The following ADAMTS2 variants were observed in gnomAD, a reference collection of about 807,000 sequenced individuals.
The protein encoded by ADAMTS2 is ADAM metallopeptidase with thrombospondin type 1 motif 2.
ADAMTS2 carries 50 observed loss-of-function variants against 123.0 expected under a neutral mutation model. The ratio of observed to expected loss-of-function variants is 0.41; its 90% CI spans 0.32 to 0.51. The LOEUF is 0.51. ADAMTS2 is among the 20% of genes least tolerant of loss of function. The pLI, the probability that ADAMTS2 is intolerant of heterozygous loss-of-function variation, is 0.35. For missense variants in ADAMTS2, 1,494 were observed against 1,705.2 expected (o/e 0.88, Z 2.18); for synonymous variants, 678 against 695.4 (o/e 0.98, Z 0.39).
chr5:179,168,720 T>A (rs571419201), intron 5 of ADAMTS2, among the ~76,000 whole-genome samples: 1 of 152,182 alleles, frequency 6.6e-6, no homozygotes, highest in African/African-American at 2.4e-5. Flanking sequence ...CCAGAATGAA[T>A]GGCAGGGACA....
At chr5:179,230,121 A>G (rs1765374158) in intron 3 of ADAMTS2, among the ~76,000 whole-genome samples, 1 of 152,238 alleles carries the variant, frequency 6.6e-6, no homozygotes, top group Admixed American at 6.5e-5. Context: ...GGCCTGCCAG[A>G]GGAAACATAT....
At chr5:179,241,674 G>A (rs1277242123) in intron 3 of ADAMTS2, among the ~76,000 whole-genome samples, 1 of 152,202 alleles carries the variant, frequency 6.6e-6, no homozygotes, top group Non-Finnish European at 1.5e-5. Context: ...TGTGCAATTT[G>A]AATTTATTTC....
At chr5:179,205,764 T>TTATTATTA (rs1764670440) in intron 4 of ADAMTS2, among the ~76,000 whole-genome samples, 1 of 149,322 alleles carries the variant, frequency 6.7e-6, no homozygotes, top group Non-Finnish European at 1.5e-5. Flanking sequence ...ATTGTTATTA[T>TTATTATTA]TATTATTATT....
rs554744499 is a variant in ADAMTS2, at chr5:179,249,437, A to C, written c.688+23474T>G. 5.3e-5 allele frequency among the ~76,000 whole-genome samples: 8 copies of C among 152,224 alleles called. No homozygotes were observed. In the South Asian group the frequency reaches 1.2e-3, roughly 24 times the overall value. ...AGACAAAATAGAGAATTGAAAAACA[A>C]TAAGAAGACTCAATGAAACCAAAAG... On this transcript the variant is annotated intron_variant, in intron 3 of 21. Transcript: ENST00000251582.
intron 3 of ADAMTS2, among the ~76,000 whole-genome samples, chr5:179,246,393 T>A (rs1431346627): frequency 6.6e-6 from 1 of 152,126 alleles, no homozygotes; most frequent in Non-Finnish European, 1.5e-5. Context: ...TAAAGGTAAA[T>A]GTATTAGCTG....
At chr5:179,310,385 A>G (rs917038940) in intron 2 of ADAMTS2, among the ~76,000 whole-genome samples, 2 of 152,198 alleles carry the variant, frequency 1.3e-5, no homozygotes, top group Non-Finnish European at 2.9e-5. Context: ...GGCATCTACA[A>G]GCCTTTCCGA....
chr5:179,114,686 C>T (rs950477716), intron 21 of ADAMTS2, among the ~76,000 whole-genome samples: 35 of 152,234 alleles, frequency 2.3e-4, no homozygotes, highest in African/African-American at 8.2e-4. Flanking sequence ...TTTATCACAT[C>T]TTCACATTTG....
rs576653538 is a variant in ADAMTS2 at position 179,132,636 on chromosome 5, C to A, written c.2209+141G>T. ...TCCCCGACTTAGGATTCTCCCTCCC[C>A]CTCAGTGTCACAGACCTCTCCCCCT... On this transcript the variant is annotated intron_variant, in intron 14 of 21. Transcript: ENST00000251582. This position sits in a 1 kb window ranked among gnomAD's most constrained non-coding sequence, Gnocchi z 6.1. 5 of 1,244,884 alleles carry A rather than the reference C, an allele frequency of 4.0e-6. No individual in the cohort carries two copies. Among genetic ancestry groups the A allele is most frequent in the African/African-American group, 1.5e-5 (1 of 67,958 alleles). The allele number at this position is 1,244,884 out of a possible 1,614,324, so 77.1% of individuals were successfully genotyped here.
rs1188775637 is a variant in ADAMTS2 at position 179,319,549 on chromosome 5, C to T, written c.534+24218G>A. On this transcript the variant is annotated intron_variant, in intron 2 of 21. Transcript: ENST00000251582. ...CACATCAGCCACACACATGCACTCA[C>T]TCACACCCTCCTGCTGCTCCCAGCC... 3.3e-5 allele frequency among the ~76,000 whole-genome samples: 5 copies of T among 152,122 alleles called. No individual in the cohort carries two copies. In the East Asian group the frequency reaches 7.8e-4, roughly 24 times the overall value.
rs73331580 is a variant in ADAMTS2, at chr5:179,227,075, C to A, written c.689-19360G>T. 3.4e-3 allele frequency among the ~76,000 whole-genome samples: 519 copies of A among 151,764 alleles called. 2 individuals carry two copies. Among genetic ancestry groups the A allele is most frequent in the African/African-American group, 0.012 (499 of 41,546 alleles). ...ACAGTATCTACAGGACACAAAATCC[C>A]TTGAGCCAGAGATTCTAATCCTAGG... On this transcript the variant is annotated intron_variant, in intron 3 of 21. Transcript: ENST00000251582.
At chr5:179,265,549 A>G (rs1766346135) in intron 3 of ADAMTS2, among the ~76,000 whole-genome samples, 1 of 152,160 alleles carries the variant, frequency 6.6e-6, no homozygotes, top group South Asian at 2.1e-4. Context: ...GGGGGTGGGA[A>G]GCACCCACAG....
intron 17 of ADAMTS2, 25 bp from the exon 18 acceptor site, chr5:179,126,155 G>A (rs1170648861): frequency 6.2e-7 from 1 of 1,612,638 alleles, no homozygotes; most frequent in East Asian, 2.2e-5. Flanking sequence ...CTCGACGGGG[G>A]TCGGTGGGGC....
At chr5:179,288,284 G>A (rs947595105) in intron 2 of ADAMTS2, among the ~76,000 whole-genome samples, 8 of 152,166 alleles carry the variant, frequency 5.3e-5, no homozygotes, top group Admixed American at 2.0e-4. Flanking sequence ...ACCGCCGACC[G>A]TCCTCTGCCC....
chr5:179,344,418 GC>G (rs1757878582), intron 1 of ADAMTS2, among the ~76,000 whole-genome samples: 2 of 152,192 alleles, frequency 1.3e-5, no homozygotes, highest in South Asian at 4.2e-4. Flanking sequence ...CAAGAGCTCT[GC>G]CCCCTGCCCC....
Position 179,141,561 on chromosome 5 carries a change from C to CT in ADAMTS2, c.1630-1527dup, listed in dbSNP as rs113403808. ...AAGGTCTAAACAACAAATGAAGAAGCTTTTTTTTTTTCTCAAGAAAATCTA... is the reference window on the plus strand; with the variant it reads ...AAGGTCTAAACAACAAATGAAGAAGCTTTTTTTTTTTTCTCAAGAAAATCTA... On this transcript the variant is annotated intron_variant, in intron 10 of 21. Transcript: ENST00000251582. Among the ~76,000 whole-genome samples the CT allele has an allele frequency of 8.1e-3, 1,198 of 147,456 alleles. 16 individuals carry two copies. The highest frequency in any genetic ancestry group is 0.026 in the African/African-American group (1,054 of 40,476).
At chr5:179,216,732 G>A (rs933552367) in intron 3 of ADAMTS2, among the ~76,000 whole-genome samples, 2 of 152,234 alleles carry the variant, frequency 1.3e-5, no homozygotes, top group African/African-American at 4.8e-5. Context: ...GCGTGTGCCA[G>A]CTCTCCACTT....
rs1190397945 is a variant in ADAMTS2, at chr5:179,155,085, TCATA to T, written c.1133-170_1133-167del. 6.6e-6 allele frequency among the ~76,000 whole-genome samples: 1 copy of T among 152,162 alleles called. No homozygotes were observed. The highest frequency in any genetic ancestry group is 1.5e-5 in the Non-Finnish European group (1 of 68,022). ...CTCAGAAGACACCACAGCAGACAGC[TCATA>T]GCCTGTGACATCTGGCTGACAGCAG... On this transcript the variant is annotated intron_variant, in intron 6 of 21. Transcript: ENST00000251582. This position sits in a 1 kb window ranked among gnomAD's most constrained non-coding sequence, Gnocchi z 5.1.
At chr5:179,290,370 G>A (rs540833635) in intron 2 of ADAMTS2, among the ~76,000 whole-genome samples, 1 of 152,200 alleles carries the variant, frequency 6.6e-6, no homozygotes, top group African/African-American at 2.4e-5. Context: ...CAGAAGCCAG[G>A]GCCATGCTCT....
At chr5:179,163,269 C>T (rs970462772) in intron 5 of ADAMTS2, among the ~76,000 whole-genome samples, 1 of 152,088 alleles carries the variant, frequency 6.6e-6, no homozygotes, top group Non-Finnish European at 1.5e-5. Flanking sequence ...TTGTGTTTTC[C>T]CAGTTTTGAA....
Sources: allele counts gnomAD v4.1 joint callset (sites outside exome capture counted in the v4.1 genomes callset), GRCh38; gene constraint gnomAD v4.1.1; non-coding constraint Gnocchi (gnomAD v3.1); transcripts MANE v1.5; gene names NCBI Gene and HGNC (gene_info 2026-07-23, HGNC 2026-07-21).